SHLD2: variants seen among roughly 807,000 people sequenced by gnomAD.
SHLD2 encodes the protein RINN1-REV7-interacting novel NHEJ regulator 2.
SHLD2 carries 30 observed loss-of-function variants against 73.2 expected under a neutral mutation model. That is an observed-to-expected ratio of 0.41 (90% CI 0.31 to 0.56). The LOEUF is 0.56. SHLD2 is among the 20% of genes least tolerant of loss of function. SHLD2 has a pLI of 0.28. For missense variants in SHLD2, 745 were observed against 1,055.9 expected, an observed-to-expected ratio of 0.71 and a Z score of 4.08; for synonymous variants, 285 against 370.1, an observed-to-expected ratio of 0.77 and a Z score of 2.64.
chr10:87,100,479 G>GTTT (rs140323729), intron 2 of SHLD2, among the ~76,000 whole-genome samples: 5 of 138,726 alleles, frequency 3.6e-5, no homozygotes, highest in Non-Finnish European at 6.3e-5. Context: ...GATTACGCCA[G>GTTT]TTTTTTTTTT....
At chr10:87,119,733 G>A (rs1368007235) in intron 2 of SHLD2, among the ~76,000 whole-genome samples, 11 of 150,654 alleles carry the variant, frequency 7.3e-5, no homozygotes, top group Admixed American at 3.3e-4. Flanking sequence ...AGCCAAGATC[G>A]CGCCACTGCA....
intron 7 of SHLD2, among the ~76,000 whole-genome samples, chr10:87,179,693 G>T (rs992531072): frequency 6.6e-6 from 1 of 152,202 alleles, no homozygotes; most frequent in African/African-American, 2.4e-5. Context: ...GAGCCACTGC[G>T]CCCGGCCCCT....
At chr10:87,107,041 A>G (rs181156636) in intron 2 of SHLD2, among the ~76,000 whole-genome samples, 1 of 151,618 alleles carries the variant, frequency 6.6e-6, no homozygotes, top group Non-Finnish European at 1.5e-5. Context: ...AAACTAGTGA[A>G]GCACAGAGAG....
intron 2 of SHLD2, among the ~76,000 whole-genome samples, chr10:87,106,572 T>A (rs1589432231): frequency 6.6e-6 from 1 of 152,308 alleles, no homozygotes; most frequent in East Asian, 1.9e-4. Context: ...TTGAACAGCT[T>A]TTTACTATTG....
chr10:87,131,790 A>G (rs1430120840), intron 2 of SHLD2, among the ~76,000 whole-genome samples: 1 of 152,184 alleles, frequency 6.6e-6, no homozygotes, highest in African/African-American at 2.4e-5. Context: ...AGGAACTGCC[A>G]ATCTGTTTTC....
chr10:87,165,125 T>A (rs1847106670), intron 4 of SHLD2, among the ~76,000 whole-genome samples: 1 of 151,662 alleles, frequency 6.6e-6, no homozygotes, highest in Admixed American at 6.6e-5. Flanking sequence ...AGGTTGAGGC[T>A]GCAGTGAGCT....
At chr10:87,149,584 G>A (rs1363284343) in intron 2 of SHLD2, among the ~76,000 whole-genome samples, 3 of 151,990 alleles carry the variant, frequency 2.0e-5, no homozygotes, top group Non-Finnish European at 2.9e-5. Flanking sequence ...TTAGCTGGGC[G>A]TGGTGGTAGA....
intron 6 of SHLD2, among the ~76,000 whole-genome samples, chr10:87,175,412 A>G (rs3120350): frequency 0.68 from 102,332 of 149,992 alleles, 35,678 homozygotes; most frequent in Middle Eastern, 0.89. Flanking sequence ...GTGGCCCGGC[A>G]CGGAGGCTTA....
chr10:87,127,919 T>C (rs1844152921), intron 2 of SHLD2, among the ~76,000 whole-genome samples: 1 of 152,106 alleles, frequency 6.6e-6, no homozygotes, highest in Non-Finnish European at 1.5e-5. Flanking sequence ...TAATGTTCCT[T>C]CTTTTTCCCT....
intron 2 of SHLD2, among the ~76,000 whole-genome samples, chr10:87,105,943 T>C (rs1416140832): frequency 6.6e-6 from 1 of 152,200 alleles, no homozygotes; most frequent in Non-Finnish European, 1.5e-5. Context: ...CTTTTTGGCC[T>C]CTGAAGTACA....
chr10:87,124,695 T>C (rs1235831797), intron 2 of SHLD2, among the ~76,000 whole-genome samples: 3 of 152,064 alleles, frequency 2.0e-5, no homozygotes, highest in Non-Finnish European at 4.4e-5. Context: ...CAAATATTTA[T>C]ACACCCTTTG....
rs758446768 is a variant in SHLD2 at position 87,180,297 on chromosome 10, A to T, written c.2393A>T (p.Tyr798Phe). The T allele has an allele frequency of 6.2e-7, 1 of 1,603,068 alleles. No individual in the cohort carries two copies. The change falls in exon 8 of 10, where the codon TAT becomes TTT. Residue 798 changes from tyrosine (Y) to phenylalanine (F), a missense_variant. Physicochemically the swap from Tyr to Phe is conservative, Grantham distance 22 (BLOSUM62 3). Transcript: ENST00000298786. Reference sequence around the variant, plus strand: ...TTGCCATTTACTATGAAGAAAATATATTATAGGTAAGGCAACTAAGCAAGC... The same window carrying T: ...TTGCCATTTACTATGAAGAAAATATTTTATAGGTAAGGCAACTAAGCAAGC... Reference protein sequence around the residue: ...SCLPFTMKKIYYRPALMTAID... With the variant: ...SCLPFTMKKIFYRPALMTAID...
At chr10:87,140,937 C>T (rs572753003) in intron 2 of SHLD2, among the ~76,000 whole-genome samples, 1 of 152,006 alleles carries the variant, frequency 6.6e-6, no homozygotes, top group East Asian at 1.9e-4. Flanking sequence ...AATTGTATTC[C>T]ACCCAGGGTG....
intron 2 of SHLD2, among the ~76,000 whole-genome samples, chr10:87,129,300 AGGCT>A (rs1381841915): frequency 1.3e-5 from 2 of 152,158 alleles, no homozygotes; most frequent in Admixed American, 1.3e-4. Flanking sequence ...CATGTTGGGC[AGGCT>A]GGTCTTGAAC....
At chr10:87,167,580 A>G (rs975424428) in intron 4 of SHLD2, among the ~76,000 whole-genome samples, 5 of 152,180 alleles carry the variant, frequency 3.3e-5, no homozygotes, top group Non-Finnish European at 7.3e-5. Flanking sequence ...GGAAATAATT[A>G]TGATGAAGCC....
chr10:87,109,740 T>A (rs951389877), intron 2 of SHLD2, among the ~76,000 whole-genome samples: 3 of 152,250 alleles, frequency 2.0e-5, no homozygotes, highest in African/African-American at 7.2e-5. Context: ...GAACTGTACT[T>A]ATGTCATCAC....
At chr10:87,189,201 A>T in intron 9 of SHLD2, among the ~76,000 whole-genome samples, 1 of 152,084 alleles carries the variant, frequency 6.6e-6, no homozygotes, top group East Asian at 1.9e-4. Context: ...GGGTTTCTCT[A>T]TGTTAGTTAG....
intron 4 of SHLD2, among the ~76,000 whole-genome samples, chr10:87,162,808 A>G (rs1846914435): frequency 6.6e-6 from 1 of 152,232 alleles, no homozygotes; most frequent in Non-Finnish European, 1.5e-5. Context: ...CAGATTGGCA[A>G]AATTAAAAAA....
chr10:87,098,330 A>G (rs1016822250), intron 2 of SHLD2, among the ~76,000 whole-genome samples: 6 of 151,964 alleles, frequency 3.9e-5, no homozygotes, highest in South Asian at 2.1e-4. Flanking sequence ...CCTGACCAAC[A>G]TGGAGAAACC....
Sources: allele counts gnomAD v4.1 joint callset (sites outside exome capture counted in the v4.1 genomes callset), GRCh38; gene constraint gnomAD v4.1.1; transcripts MANE v1.5; gene names NCBI Gene and HGNC (gene_info 2026-07-23, HGNC 2026-07-21).